The following RNF180 variants were observed in gnomAD, a reference collection of about 807,000 sequenced individuals.
RNF180 encodes the protein ring finger protein 180.
In RNF180, 38 loss-of-function variants were observed where a neutral mutation model predicts 59.2. That is an observed-to-expected ratio of 0.64 (90% CI 0.50 to 0.84). The LOEUF (loss-of-function observed/expected upper bound fraction) is 0.84. Among genes scored for constraint, RNF180 ranks in the 40% least tolerant of loss-of-function variants. The probability of loss-of-function intolerance (pLI) is 0.00; values close to 1 mark genes in which losing one functional copy is unlikely to be tolerated. For synonymous variants in RNF180, 262 were observed against 240.3 expected, an observed-to-expected ratio of 1.09 and a Z score of -0.84; for missense variants, 705 against 700.9, an observed-to-expected ratio of 1.01 and a Z score of -0.07.
chr5:64,203,390 A>C (rs1751850949), intron 2 of RNF180, among the ~76,000 whole-genome samples: 2 of 152,174 alleles, frequency 1.3e-5, no homozygotes, highest in Non-Finnish European at 2.9e-5. Context: ...ATAATAACTT[A>C]ATGATTTTTA....
chr5:64,281,865 G>A (rs1354058579), intron 5 of RNF180, among the ~76,000 whole-genome samples: 1 of 152,146 alleles, frequency 6.6e-6, no homozygotes, highest in African/African-American at 2.4e-5. Context: ...AGATGATCAT[G>A]TGGTTTTTCC....
At chr5:64,226,684 A>C (rs1332394654) in intron 5 of RNF180, among the ~76,000 whole-genome samples, 1 of 152,136 alleles carries the variant, frequency 6.6e-6, no homozygotes, top group African/African-American at 2.4e-5. Flanking sequence ...AAAAAGAAAA[A>C]ATTTTTGTTG....
At chr5:64,272,971 G>T (rs1235676757) in intron 5 of RNF180, among the ~76,000 whole-genome samples, 2 of 151,876 alleles carry the variant, frequency 1.3e-5, no homozygotes, top group Non-Finnish European at 2.9e-5. Flanking sequence ...AAAAGGTCAA[G>T]GCTGGAGTAC....
chr5:64,276,322 GTGTGTGT>G (rs1561233356), intron 5 of RNF180, among the ~76,000 whole-genome samples: 168 of 91,728 alleles, frequency 1.8e-3, no homozygotes, highest in African/African-American at 6.5e-3. Context: ...ATACATTGGT[GTGTGTGT>G]GTGTGTGTGT....
chr5:64,219,711 G>C (rs1057465672), intron 5 of RNF180, among the ~76,000 whole-genome samples: 2 of 151,844 alleles, frequency 1.3e-5, no homozygotes, highest in African/African-American at 4.8e-5. Flanking sequence ...AGTAGAGATG[G>C]GGTTTCACCA....
intron 5 of RNF180, among the ~76,000 whole-genome samples, chr5:64,259,192 G>A (rs1351766971): frequency 6.6e-6 from 1 of 152,130 alleles, no homozygotes. Context: ...GGCTGTATAA[G>A]TGATGTGCTG....
chr5:64,256,353 A>C (rs895899430), intron 5 of RNF180, among the ~76,000 whole-genome samples: 1 of 152,142 alleles, frequency 6.6e-6, no homozygotes, highest in Non-Finnish European at 1.5e-5. Context: ...TTAAGTCTTT[A>C]ATCCATCTTG....
intron 6 of RNF180, among the ~76,000 whole-genome samples, chr5:64,328,430 T>C (rs1744752552): frequency 6.6e-6 from 1 of 152,224 alleles, no homozygotes; most frequent in Admixed American, 6.5e-5. Context: ...AAGTGGACTT[T>C]AATAAAACAG....
At chr5:64,263,091 A>G (rs1272170802) in intron 5 of RNF180, among the ~76,000 whole-genome samples, 6 of 152,206 alleles carry the variant, frequency 3.9e-5, no homozygotes, top group Non-Finnish European at 8.8e-5. Flanking sequence ...TGAATAAGTC[A>G]CTTGTCGGAG....
In RNF180 at chr5:64,213,968, T is replaced by C. The variant is rs1752468696; in HGVS notation, c.642T>C (p.Leu214=). The C allele has an allele frequency of 7.4e-6, 12 of 1,613,992 alleles. No individual in the cohort carries two copies. The highest frequency in any genetic ancestry group is 4.0e-5 in the African/African-American group (3 of 74,936). The change falls in exon 4 of 8, where the codon CTT becomes CTC. Residue 214 remains leucine (L), a synonymous_variant. Coordinates refer to ENST00000389100, the MANE Select transcript of RNF180 (RefSeq NM_001113561.2). ...EPKYQLFVPQ[L]VTGRCATRAF... is the part of the protein sequence containing the mutation. ...AATACCAGCTTTTTGTTCCCCAGCT[T>C]GTGACTGGCAGATGCGCTACAAGAG...
chr5:64,257,916 G>A (rs1221198595), intron 5 of RNF180, among the ~76,000 whole-genome samples: 5 of 152,134 alleles, frequency 3.3e-5, no homozygotes, highest in Admixed American at 1.3e-4. Context: ...TCAGGGCCAC[G>A]GAAACAAAGA....
chr5:64,324,566 T>C (rs1744536646), intron 5 of RNF180, among the ~76,000 whole-genome samples: 1 of 152,226 alleles, frequency 6.6e-6, no homozygotes. Context: ...TGTATCTTTT[T>C]CCTAACAATT....
chr5:64,369,407 A>G (rs1219895068), intron 7 of RNF180, among the ~76,000 whole-genome samples: 2 of 151,838 alleles, frequency 1.3e-5, no homozygotes. Context: ...ACATGTATAC[A>G]TATGTAACTA....
intron 7 of RNF180, among the ~76,000 whole-genome samples, chr5:64,353,599 T>C (rs1745900965): frequency 6.6e-6 from 1 of 151,806 alleles, no homozygotes; most frequent in South Asian, 2.1e-4. Flanking sequence ...TAAATATAAA[T>C]GTATGTTATA....
chr5:64,171,072 T>C (rs555684661), intron 1 of RNF180, among the ~76,000 whole-genome samples: 1 of 152,262 alleles, frequency 6.6e-6, no homozygotes, highest in African/African-American at 2.4e-5. Flanking sequence ...CAAGCAGTAA[T>C]TTCATAAGAA....
intron 7 of RNF180, among the ~76,000 whole-genome samples, chr5:64,356,369 T>C (rs182388603): frequency 1.9e-4 from 29 of 151,998 alleles, no homozygotes; most frequent in African/African-American, 6.7e-4. Context: ...GATAATGACT[T>C]AATATCCAGA....
intron 5 of RNF180, among the ~76,000 whole-genome samples, chr5:64,220,930 T>A (rs1432277485): frequency 1.3e-5 from 2 of 152,070 alleles, no homozygotes; most frequent in African/African-American, 4.8e-5. Context: ...ATTAAAAGGG[T>A]GTGATTTAGA....
intron 1 of RNF180, among the ~76,000 whole-genome samples, chr5:64,198,127 A>G (rs1751547361): frequency 6.6e-6 from 1 of 152,146 alleles, no homozygotes; most frequent in South Asian, 2.1e-4. Flanking sequence ...TTTATAATAC[A>G]TTTTCCTTAA....
At chr5:64,310,441 CTGAGTATCAGTCTCCTCACTGCTAA>C (rs1342354821) in intron 5 of RNF180, among the ~76,000 whole-genome samples, 2 of 150,868 alleles carry the variant, frequency 1.3e-5, no homozygotes. Context: ...CTTTTAGCCT[CTGAGTATCAGTCTCCTCACTGCTAA>C]ACCAGTGCCT....
Sources: allele counts gnomAD v4.1 joint callset (sites outside exome capture counted in the v4.1 genomes callset), GRCh38; gene constraint gnomAD v4.1.1; transcripts MANE v1.5; gene names NCBI Gene and HGNC (gene_info 2026-07-23, HGNC 2026-07-21).